Variants in KAT2B observed in about 807,000 individuals in gnomAD.
KAT2B encodes the protein lysine acetyltransferase 2B, also known as histone acetyltransferase KAT2B.
KAT2B carries 36 observed loss-of-function variants against 105.9 expected under a neutral mutation model. The observed-to-expected ratio is 0.34, with a 90% CI of 0.26 to 0.45. The LOEUF is 0.45. Among genes scored for constraint, KAT2B ranks in the 20% least tolerant of loss-of-function variants. KAT2B has a pLI of 1.00. For missense variants in KAT2B, 820 were observed against 1,021.6 expected, an observed-to-expected ratio of 0.80 and a Z score of 2.69; for synonymous variants, 397 against 377.9, an observed-to-expected ratio of 1.05 and a Z score of -0.59.
intron 1 of KAT2B, 115 bp downstream of exon 1, chr3:20,040,895 C>A: frequency 7.9e-7 from 1 of 1,267,442 alleles, no homozygotes; most frequent in Non-Finnish European, 1.0e-6. Context: ...CGCCTCCCGC[C>A]TGGGGCCGCT....
At chr3:20,072,592 C>G (rs749819325) in intron 2 of KAT2B, 133 bp downstream of exon 2, 19 of 817,942 alleles carry the variant, frequency 2.3e-5, no homozygotes, top group Non-Finnish European at 3.2e-5. Flanking sequence ...AAGAGCCTCT[C>G]TAGTCTCACG....
chr3:20,125,801 A>G (rs1699391933), intron 9 of KAT2B, 104 bp from the exon 10 acceptor site: 4 of 914,156 alleles, frequency 4.4e-6, no homozygotes, highest in East Asian at 2.4e-5. Context: ...AAATCCACAA[A>G]TGTGTATCTT....
chr3:20,081,344 CACAGTG>C (rs1359073853), intron 2 of KAT2B, among the ~76,000 whole-genome samples: 1 of 152,188 alleles, frequency 6.6e-6, no homozygotes. Context: ...GGTCACGGCA[CACAGTG>C]ACAGTGTGCT....
At chr3:20,114,709 AT>A (rs1252831151) in intron 6 of KAT2B, among the ~76,000 whole-genome samples, 172 bp from the exon 7 acceptor site, 1 of 152,130 alleles carries the variant, frequency 6.6e-6, no homozygotes, top group Non-Finnish European at 1.5e-5. Flanking sequence ...GCATTTCTGT[AT>A]TTGAATATAC....
At chr3:20,051,450 A>G (rs1009855460) in intron 1 of KAT2B, among the ~76,000 whole-genome samples, 2 of 152,178 alleles carry the variant, frequency 1.3e-5, no homozygotes, top group African/African-American at 4.8e-5. Context: ...GTTCTGGAAG[A>G]TGACTAGAGT....
At chr3:20,124,784 G>C (rs988672055) in intron 9 of KAT2B, among the ~76,000 whole-genome samples, 2 of 152,202 alleles carry the variant, frequency 1.3e-5, no homozygotes, top group Admixed American at 1.3e-4. Context: ...GTAGCTTGAA[G>C]TTGACTAGCA....
At chr3:20,047,523 A>G (rs1697835107) in intron 1 of KAT2B, among the ~76,000 whole-genome samples, 3 of 152,056 alleles carry the variant, frequency 2.0e-5, no homozygotes, top group Admixed American at 2.0e-4. Context: ...CTTTTGAGTT[A>G]ATGTATGCAG....
chr3:20,141,551 C>T (rs1699695044), intron 13 of KAT2B, among the ~76,000 whole-genome samples: 2 of 152,138 alleles, frequency 1.3e-5, no homozygotes, highest in Admixed American at 1.3e-4. Flanking sequence ...TCGTTTAGTG[C>T]ACTTTTCTCT....
intron 3 of KAT2B, 44 bp downstream of exon 3, chr3:20,095,452 A>G (rs1446550731): frequency 7.2e-7 from 1 of 1,388,580 alleles, no homozygotes; most frequent in East Asian, 2.3e-5. Context: ...CATTATTCAA[A>G]TGTACCCAGT....
intron 1 of KAT2B, among the ~76,000 whole-genome samples, chr3:20,068,050 G>A (rs1383978015): frequency 6.6e-6 from 1 of 150,442 alleles, no homozygotes; most frequent in Non-Finnish European, 1.5e-5. Context: ...AGGCTGGACT[G>A]CAGTGGCGCA....
intron 8 of KAT2B, among the ~76,000 whole-genome samples, chr3:20,120,355 G>A (rs1201785250): frequency 6.6e-6 from 1 of 152,082 alleles, no homozygotes; most frequent in Admixed American, 6.6e-5. Flanking sequence ...AGTCTCCTGA[G>A]TAGCTGGGAT....
rs539635715 is a variant in KAT2B at position 20,078,936 on chromosome 3, G to A, written c.430+6477G>A. Among the ~76,000 whole-genome samples the A allele has an allele frequency of 1.5e-3, 231 of 149,374 alleles. 1 individual carries two copies. The highest frequency in any genetic ancestry group is 5.6e-3 in the African/African-American group (225 of 40,490). On this transcript the variant is annotated intron_variant, in intron 2 of 17. Transcript: ENST00000263754. ...GTTGCCCAGGATGGAGTGCAGTGGC[G>A]CGATCTCCACGATCTCAGCTCACTG...
At chr3:20,148,033 G>A in intron 15 of KAT2B, 34 bp downstream of exon 15, 3 of 1,601,456 alleles carry the variant, frequency 1.9e-6, no homozygotes, top group Non-Finnish European at 2.6e-6. Flanking sequence ...GTTAATGGAA[G>A]TGATTTTTTT....
chr3:20,081,031 A>G (rs1003916433), intron 2 of KAT2B, among the ~76,000 whole-genome samples: 1 of 152,032 alleles, frequency 6.6e-6, no homozygotes, highest in African/African-American at 2.4e-5. Context: ...TCCAGATCTG[A>G]GATTACAGAA....
intron 2 of KAT2B, among the ~76,000 whole-genome samples, chr3:20,088,584 T>A (rs2125191899): frequency 6.6e-6 from 1 of 152,352 alleles, no homozygotes; most frequent in East Asian, 1.9e-4. Context: ...TTGCACATTT[T>A]AAAATTGGGT....
rs982700206 is a variant in KAT2B at position 20,072,308 on chromosome 3, G to A, written c.304-25G>A. ...CCACGGCTGCCTGTTAAATAATTTT[G>A]TCTCTTTCTTTATTCCATTTTTAGG... On this transcript the variant is annotated intron_variant, in intron 1 of 17. Coordinates refer to ENST00000263754, the MANE Select transcript of KAT2B (RefSeq NM_003884.5). 5.0e-6 allele frequency: 8 copies of A among 1,611,036 alleles called. No individual in the cohort carries two copies. In the African/African-American group the frequency reaches 6.7e-5, roughly 13 times the overall value.
chr3:20,059,265 TAGCC>T (rs1181937717), intron 1 of KAT2B, among the ~76,000 whole-genome samples: 1 of 151,410 alleles, frequency 6.6e-6, no homozygotes, highest in African/African-American at 2.4e-5. Flanking sequence ...ATACAAAAAT[TAGCC>T]AGGCGTGGTG....
intron 2 of KAT2B, among the ~76,000 whole-genome samples, chr3:20,082,343 C>G (rs1698534986): frequency 1.3e-5 from 2 of 152,158 alleles, no homozygotes; most frequent in Non-Finnish European, 2.9e-5. Flanking sequence ...CCACGGTTTT[C>G]TCTTAATAAC....
At chr3:20,061,821 T>C (rs1481165754) in intron 1 of KAT2B, among the ~76,000 whole-genome samples, 1 of 91,568 alleles carries the variant, frequency 1.1e-5, no homozygotes. Context: ...ATACATAAAG[T>C]ATATAATATA....
Sources: gnomAD v4.1 joint callset for allele counts (sites outside exome capture counted in the v4.1 genomes callset) on GRCh38, gnomAD v4.1.1 for gene constraint, MANE v1.5 for transcripts, NCBI Gene and HGNC (gene_info 2026-07-23, HGNC 2026-07-21) for gene names.